UBA7: variants seen among roughly 807,000 people sequenced by gnomAD.
UBA7 encodes the protein ubiquitin-like modifier-activating enzyme 7.
A neutral mutation model predicts 113.0 loss-of-function variants in UBA7; 88 were observed. The ratio of observed to expected loss-of-function variants is 0.78; its 90% CI spans 0.66 to 0.93. The LOEUF is 0.93. Among genes scored for constraint, UBA7 ranks in the 40% least tolerant of loss-of-function variants. The pLI is 0.00. For synonymous variants in UBA7, 459 were observed against 513.0 expected, an observed-to-expected ratio of 0.89 and a Z score of 1.42; for missense variants, 1,092 against 1,266.4, an observed-to-expected ratio of 0.86 and a Z score of 2.09.
chr3:49,813,860 A>T lies in UBA7; in HGVS notation c.-73T>A, dbSNP rs1442183410. 6.4e-7 allele frequency: 1 copy of T among 1,570,324 alleles called. No individual in the cohort carries two copies. The highest frequency in any genetic ancestry group is 1.8e-5 in the Admixed American group (1 of 56,560). On this transcript the variant is annotated 5_prime_UTR_variant, in exon 1 of 24. Coordinates refer to ENST00000333486, the MANE Select transcript of UBA7 (RefSeq NM_003335.3). ...TCTTTGTGTAGGTGGCGGTGACAGT[A>T]GGGGCCAGTGCCCTGCTGTAGCCAG... is the stretch of plus-strand genomic sequence containing the variant.
rs1433914421 is a variant in UBA7 at position 49,810,894 on chromosome 3, T to C, written c.1231-62A>G. 4.3e-6 allele frequency: 7 copies of C among 1,611,806 alleles called. No homozygotes were observed. In the African/African-American group the frequency reaches 9.4e-5, roughly 22 times the overall value. ...CCTGCATCTCCTTCTTATACTGAGT[T>C]TTCTGAATCAGGACCTGGAGGGCAT... On this transcript the variant is annotated intron_variant, in intron 10 of 23. Transcript: ENST00000333486. The surrounding 1 kb of genome is among the most constrained non-coding windows in gnomAD (Gnocchi z 5.6).
chr3:49,809,388 A>G lies in UBA7; in HGVS notation c.2163+2T>C. The G allele has an allele frequency of 6.2e-7, 1 of 1,613,948 alleles. No homozygotes were observed. The highest frequency in any genetic ancestry group is 8.5e-7 in the Non-Finnish European group (1 of 1,179,892). Reference sequence around the variant, plus strand: ...TGGAGCTCCCTACAGAATCCCACTCACTTGGTTGGTGTCAAACTCCAAGGG... The same window carrying G: ...TGGAGCTCCCTACAGAATCCCACTCGCTTGGTTGGTGTCAAACTCCAAGGG... On this transcript the variant is annotated splice_donor_variant, in intron 17 of 23. Transcript: ENST00000333486. LOFTEE classifies it high-confidence loss of function.
chr3:49,810,108 C>T lies in UBA7; in HGVS notation c.1709G>A (p.Ser570Asn). The change falls in exon 14 of 24, where the codon AGT (serine) becomes AAT (asparagine). Residue 570 changes from serine to asparagine, a missense_variant. This residue lies in a region of UBA7 where 8 missense variants were observed against 22.5 expected (regional missense o/e 0.36). Coordinates refer to ENST00000333486, the MANE Select transcript of UBA7 (RefSeq NM_003335.3). This position sits in a 1 kb window ranked among gnomAD's most constrained non-coding sequence, Gnocchi z 5.6. ...LEAGTSGTWG[S>N]ATVFMPHVTE... ...CACATGTGGCATGAATACTGTAGCA[C>T]TGCCCCAGGTGCCCGATGTGCCTGC... 1.2e-6 allele frequency: 2 copies of T among 1,612,890 alleles called. No homozygotes were observed. Among genetic ancestry groups the T allele is most frequent in the Non-Finnish European group, 1.7e-6 (2 of 1,179,998 alleles).
At chr3:49,808,150 C>T in intron 19 of UBA7, 38 bp from the exon 20 acceptor site, 1 of 1,608,238 alleles carries the variant, frequency 6.2e-7, no homozygotes. Context: ...AACACTGCAG[C>T]TGTGCCCCTC....
In UBA7 at chr3:49,807,625, C is replaced by G; in HGVS notation, c.2715+111G>C. On this transcript the variant is annotated intron_variant, in intron 21 of 23. Transcript: ENST00000333486. This position sits in a 1 kb window ranked among gnomAD's most constrained non-coding sequence, Gnocchi z 4.0. ...GGGCTGGAGGGAGTCTTCAGGACTT[C>G]TGCACAGTCTGAGTTTCAGTGAGAG... 7.3e-7 allele frequency: 1 copy of G among 1,371,474 alleles called. No individual in the cohort carries two copies. 85.0% of individuals were successfully genotyped at this position (1,371,474 alleles called of 1,614,324 possible).
At chr3:49,808,244 G>T in intron 19 of UBA7, 132 bp from the exon 20 acceptor site, 1 of 1,509,516 alleles carries the variant, frequency 6.6e-7, no homozygotes, top group Non-Finnish European at 9.2e-7. Context: ...GATCAGACAG[G>T]CTGAGGTTCA....
At chr3:49,806,652 T>C (rs1366166213) in intron 21 of UBA7, among the ~76,000 whole-genome samples, 2 of 152,074 alleles carry the variant, frequency 1.3e-5, no homozygotes, top group Non-Finnish European at 2.9e-5. Context: ...ATACAATGCA[T>C]AGAGGCTTCC....
chr3:49,813,380 G>A lies in UBA7; in HGVS notation c.229C>T (p.Leu77Phe), dbSNP rs1331328153. 4 of 1,613,368 alleles carry A rather than the reference G, an allele frequency of 2.5e-6. No individual in the cohort carries two copies. Among genetic ancestry groups the A allele is most frequent in the South Asian group, 2.2e-5 (2 of 91,008 alleles). The change falls in exon 3 of 24, where the codon CTC becomes TTC. Residue 77 changes from leucine (L) to phenylalanine (F), a missense_variant. Leu to Phe is a conservative substitution (Grantham distance 22, BLOSUM62 0). This residue lies in a region of UBA7 where 584 missense variants were observed against 714.5 expected (regional missense o/e 0.82). Transcript: ENST00000333486. Reference sequence around the variant, plus strand: ...CTTTCCAAGTCCTGCTCTGAGAGGAGAAACTAGGGAGAGAGCCAGTGCAGC... The same window carrying A: ...CTTTCCAAGTCCTGCTCTGAGAGGAAAAACTAGGGAGAGAGCCAGTGCAGC... Reference protein sequence around the residue: ...TCWSDLAAQFLLSEQDLERSR... With the variant: ...TCWSDLAAQFFLSEQDLERSR...
intron 8 of UBA7, 178 bp from the exon 9 acceptor site, chr3:49,811,633 C>A (rs1038543640): frequency 9.8e-6 from 11 of 1,125,984 alleles, no homozygotes; most frequent in Non-Finnish European, 1.4e-5. Flanking sequence ...CAGTACCAGA[C>A]AGCAGTCCAG....
At position 49,807,550 on chromosome 3, in the gene UBA7, G is replaced by A. The variant is rs1412388949; in HGVS notation, c.2715+186C>T. Among the ~76,000 whole-genome samples, 2 of 152,130 alleles carry A rather than the reference G, an allele frequency of 1.3e-5. No homozygotes were observed. Among genetic ancestry groups the A allele is most frequent in the Admixed American group, 6.5e-5 (1 of 15,272 alleles). On this transcript the variant is annotated intron_variant, in intron 21 of 23. Transcript: ENST00000333486. The surrounding 1 kb of genome is among the most constrained non-coding windows in gnomAD (Gnocchi z 4.0). Reference sequence around the variant, plus strand: ...AGGATTGGGGGTGGGGATGGCTGACGGCTGCTTCCTGTGTCTGACAGGTCC... The same window carrying A: ...AGGATTGGGGGTGGGGATGGCTGACAGCTGCTTCCTGTGTCTGACAGGTCC...
chr3:49,813,309 T>C lies in UBA7; in HGVS notation c.300A>G (p.Arg100=). ...ASQELLAQLN[R]AVQVVVHTGD... ...CCGTGTGCACGACGACCTGGACAGC[T>C]CTGTTGAGCTGAGCCAAGAGCTCTT... The change falls in exon 3 of 24, where the codon AGA becomes AGG. Residue 100 remains arginine, a synonymous_variant. Transcript: ENST00000333486. 6.2e-7 allele frequency: 1 copy of C among 1,614,138 alleles called. No individual in the cohort carries two copies. The highest frequency in any genetic ancestry group is 8.5e-7 in the Non-Finnish European group (1 of 1,180,026).
At position 49,807,853 on chromosome 3, in the gene UBA7, C is replaced by T. The variant is rs994038047; in HGVS notation, c.2598G>A (p.Leu866=). 3 of 1,613,876 alleles carry T rather than the reference C, an allele frequency of 1.9e-6. No homozygotes were observed. The African/African-American group carries it at 4.0e-5, about 22-fold the overall frequency. Residue 866 remains leucine (L), a synonymous_variant, in exon 21 of 24, where the codon CTG becomes CTA. Transcript: ENST00000333486. The surrounding 1 kb of genome is among the most constrained non-coding windows in gnomAD (Gnocchi z 4.0). ...GCCCACTCACCACCTTATACAGCTCCAGGCCCAACAGGCCTGCCACAGCTG... is the reference window on the plus strand; with the variant it reads ...GCCCACTCACCACCTTATACAGCTCTAGGCCCAACAGGCCTGCCACAGCTG... ...TTAAVAGLLG[L]ELYKVVSGPR...
Position 49,813,771 on chromosome 3 carries a change from G to A in UBA7, c.17C>T (p.Ala6Val), listed in dbSNP as rs1310204831. 1.9e-6 allele frequency: 3 copies of A among 1,614,084 alleles called. No individual in the cohort carries two copies. Among genetic ancestry groups the A allele is most frequent in the Non-Finnish European group, 2.5e-6 (3 of 1,180,028 alleles). Reference protein sequence around the residue: MDALDASKLLDEELYS... With the variant: MDALDVSKLLDEELYS... ...CAGCTCCTCATCCAGTAGCTTCGAAGCGTCCAGGGCATCCATCCTCAAACC... is the reference window on the plus strand; with the variant it reads ...CAGCTCCTCATCCAGTAGCTTCGAAACGTCCAGGGCATCCATCCTCAAACC... Residue 6 changes from alanine (A) to valine (V), a missense_variant, in exon 1 of 24, where the codon GCT (alanine) becomes GTT (valine). Physicochemically the swap from Ala to Val is moderately conservative, Grantham distance 64. This residue lies in a region of UBA7 where 584 missense variants were observed against 714.5 expected (regional missense o/e 0.82). Transcript: ENST00000333486.
In UBA7 at chr3:49,811,378, C is replaced by T. The variant is rs1198054969; in HGVS notation, c.1017G>A (p.Glu339=). 6.2e-7 allele frequency: 1 copy of T among 1,613,780 alleles called. No homozygotes were observed. Among genetic ancestry groups the T allele is most frequent in the South Asian group, 1.1e-5 (1 of 90,970 alleles). ...TCCGCACTAGGGCCTCATCCAGTGG[C>T]TCTTCCAGTGGCTCTTCCTCTGTCC... The part of the protein sequence containing the change: ...LKRTEEEPLE[E]PLDEALVRTV... Residue 339 remains glutamate (E), a synonymous_variant, in exon 9 of 24, where the codon GAG becomes GAA. Coordinates refer to ENST00000333486, the MANE Select transcript of UBA7 (RefSeq NM_003335.3).
intron 7 of UBA7, 37 bp downstream of exon 7, chr3:49,812,072 G>A (rs751903156): frequency 2.5e-5 from 41 of 1,614,032 alleles, no homozygotes; most frequent in South Asian, 1.6e-4. Context: ...CCCTCAAGGC[G>A]ACCAAGCTCC....
chr3:49,806,414 G>A, intron 21 of UBA7: 2 of 574,110 alleles, frequency 3.5e-6, no homozygotes, highest in South Asian at 2.1e-5. Context: ...TGGGCCAGTT[G>A]TGAGAGTGGG....
Position 49,810,020 on chromosome 3 carries a change from A to G in UBA7, c.1797T>C (p.Cys599=). 6.2e-7 allele frequency: 1 copy of G among 1,613,868 alleles called. No homozygotes were observed. The highest frequency in any genetic ancestry group is 8.5e-7 in the Non-Finnish European group (1 of 1,179,976). Residue 599 remains cysteine, a synonymous_variant, in exon 14 of 24, where the codon TGT becomes TGC. Transcript: ENST00000333486. The surrounding 1 kb of genome is among the most constrained non-coding windows in gnomAD (Gnocchi z 5.6). The stretch of plus-strand genomic sequence containing the variant: ...CTGTGCTAGGGAAGTACCGCACGGT[A>G]CAGACAGGGTAGGGGGCATCCTCAG... ...AASEDAPYPV[C]TVRYFPSTAE...
At position 49,806,133 on chromosome 3, in the gene UBA7, ACGGTC is replaced by A; in HGVS notation, c.2743_2747del (p.Asp915SerfsTer9). 6.2e-7 allele frequency: 1 copy of A among 1,602,902 alleles called. No individual in the cohort carries two copies. Among genetic ancestry groups the A allele is most frequent in the Non-Finnish European group, 8.5e-7 (1 of 1,175,250 alleles). On this transcript the variant is annotated frameshift_variant, in exon 22 of 24. Transcript: ENST00000333486. LOFTEE classifies it high-confidence loss of function. Reference sequence around the variant, plus strand: ...CAGGCTGCCCAGCTGGTACCTTCAGACGGTCCCAAGAGGTCCACTTCAGGTGATGG... The same window carrying A: ...CAGGCTGCCCAGCTGGTACCTTCAGACCAAGAGGTCCACTTCAGGTGATGG...
intron 9 of UBA7, 59 bp downstream of exon 9, chr3:49,811,214 G>GAC: frequency 1.2e-6 from 2 of 1,607,836 alleles, no homozygotes; most frequent in Non-Finnish European, 1.7e-6. Flanking sequence ...GGTGCCCTCT[G>GAC]ACACACACAC....
Sources: gnomAD v4.1 joint callset for allele counts (sites outside exome capture counted in the v4.1 genomes callset) on GRCh38, gnomAD v4.1.1 for gene constraint, gnomAD v4.1.1 regional missense constraint, Gnocchi (gnomAD v3.1) non-coding constraint, MANE v1.5 for transcripts, NCBI Gene and HGNC (gene_info 2026-07-23, HGNC 2026-07-21) for gene names.